PBX3: variants seen among roughly 807,000 people sequenced by gnomAD.
PBX3 encodes PBX homeobox 3, also known as pre-B-cell leukemia transcription factor 3.
Under a neutral mutation model 48.5 loss-of-function variants are expected in PBX3, and 14 were observed. That is an observed-to-expected ratio of 0.29 (90% CI 0.19 to 0.45). The LOEUF (loss-of-function observed/expected upper bound fraction) is 0.45. Ranked by LOEUF, PBX3 falls within the 20% of genes least tolerant of loss-of-function variation. The pLI is 1.00. For missense variants in PBX3, 386 were observed against 546.7 expected (o/e 0.71, Z 2.93); for synonymous variants, 210 against 200.3 (o/e 1.05, Z -0.41).
intron 2 of PBX3, among the ~76,000 whole-genome samples, chr9:125,847,190 T>A (rs546501220): frequency 6.6e-6 from 1 of 152,154 alleles, no homozygotes; most frequent in African/African-American, 2.4e-5. Flanking sequence ...CTATTGGTGA[T>A]CAATGCTTAC....
intron 5 of PBX3, among the ~76,000 whole-genome samples, chr9:125,950,764 G>A (rs1842179107): frequency 6.6e-6 from 1 of 152,132 alleles, no homozygotes; most frequent in African/African-American, 2.4e-5. Flanking sequence ...TTACAGGTGT[G>A]AGCCACTGCG....
intron 2 of PBX3, among the ~76,000 whole-genome samples, chr9:125,808,141 C>T (rs1224217013): frequency 2.6e-5 from 4 of 152,090 alleles, no homozygotes; most frequent in Admixed American, 2.6e-4. Context: ...TACATACATA[C>T]AATTGTTAAA....
chr9:125,942,514 G>A (rs973879788), intron 5 of PBX3, among the ~76,000 whole-genome samples: 6 of 152,060 alleles, frequency 3.9e-5, no homozygotes, highest in Admixed American at 6.6e-5. Flanking sequence ...ATAAGAAGAA[G>A]CCCGTTAAAA....
At chr9:125,951,448 G>C (rs1397206880) in intron 5 of PBX3, among the ~76,000 whole-genome samples, 1 of 152,112 alleles carries the variant, frequency 6.6e-6, no homozygotes, top group Non-Finnish European at 1.5e-5. Flanking sequence ...CTGGGAGCAG[G>C]GATCAGCTTG....
At chr9:125,819,426 T>G (rs1380265295) in intron 2 of PBX3, among the ~76,000 whole-genome samples, 3 of 151,750 alleles carry the variant, frequency 2.0e-5, no homozygotes, top group African/African-American at 4.8e-5. Context: ...CTCGGAAGGT[T>G]GAGGCAGGAG....
chr9:125,918,459 G>GT (rs1435563709), intron 3 of PBX3, among the ~76,000 whole-genome samples: 2 of 151,600 alleles, frequency 1.3e-5, no homozygotes, highest in Non-Finnish European at 1.5e-5. Context: ...TTGTTTGTTT[G>GT]TTTTTTTAAA....
intron 2 of PBX3, among the ~76,000 whole-genome samples, chr9:125,775,412 AT>A (rs1406032025): frequency 1.3e-5 from 2 of 152,178 alleles, no homozygotes; most frequent in African/African-American, 2.4e-5. Flanking sequence ...ATTTGAGTTA[AT>A]TTTTGAATAT....
chr9:125,747,706 C>A (rs1005049500), intron 1 of PBX3, 53 bp downstream of exon 1: 7 of 1,397,682 alleles, frequency 5.0e-6, no homozygotes, highest in Non-Finnish European at 6.7e-6. Flanking sequence ...GCCGGGCCCG[C>A]GGCCGAGTCG....
At position 125,952,986 on chromosome 9, in the gene PBX3, C is replaced by CA. The variant is rs1477096917; in HGVS notation, c.844-7694dup. Reference sequence around the variant, plus strand: ...TATGTCAGTGTTTGAGTATTTTTACCAAAATAAAAAAAAAAAGACTCATGG... The same window carrying CA: ...TATGTCAGTGTTTGAGTATTTTTACCAAAAATAAAAAAAAAAAGACTCATGG... On this transcript the variant is annotated intron_variant, in intron 5 of 8. Transcript: ENST00000373489. 1.1e-3 allele frequency among the ~76,000 whole-genome samples: 164 copies of CA among 144,194 alleles called. 1 individual carries two copies. The highest frequency in any genetic ancestry group is 4.3e-3 in the African/African-American group (159 of 37,134). 94.6% of individuals were successfully genotyped at this position (144,194 alleles called of 152,430 possible). A position where few individuals can be genotyped will look rare whatever the true frequency, so the allele number is the denominator to read the frequency against.
intron 2 of PBX3, among the ~76,000 whole-genome samples, chr9:125,888,054 A>C (rs866301608): frequency 2.6e-5 from 4 of 152,214 alleles, no homozygotes; most frequent in Non-Finnish European, 5.9e-5. Context: ...TGTAATAGAT[A>C]GACTTCTACT....
At chr9:125,930,618 A>G (rs905424926) in intron 4 of PBX3, among the ~76,000 whole-genome samples, 4 of 152,204 alleles carry the variant, frequency 2.6e-5, no homozygotes, top group African/African-American at 4.8e-5. Flanking sequence ...TCCAAATCTC[A>G]CAGTATTAAA....
chr9:125,798,208 C>T (rs1339169515), intron 2 of PBX3, among the ~76,000 whole-genome samples: 2 of 152,086 alleles, frequency 1.3e-5, no homozygotes, highest in Admixed American at 1.3e-4. Context: ...TTAGTAATTA[C>T]CCAGACAGCT....
At position 125,859,661 on chromosome 9, in the gene PBX3, T is replaced by C. The variant is rs571420946; in HGVS notation, c.275-56025T>C. Among the ~76,000 whole-genome samples, 335 of 152,326 alleles carry C rather than the reference T, an allele frequency of 2.2e-3. 2 individuals carry two copies. The highest frequency in any genetic ancestry group is 7.6e-3 in the African/African-American group (317 of 41,564). On this transcript the variant is annotated intron_variant, in intron 2 of 8. Coordinates refer to ENST00000373489, the MANE Select transcript of PBX3 (RefSeq NM_006195.6). ...AACCCACAGGATACCACATGATCCA[T>C]GCTCTGTGGAATTTGTTGGTGTGGT...
chr9:125,833,558 A>G (rs1839028470), intron 2 of PBX3, among the ~76,000 whole-genome samples: 1 of 152,196 alleles, frequency 6.6e-6, no homozygotes, highest in Non-Finnish European at 1.5e-5. Flanking sequence ...CTAATTTTAT[A>G]GATTAGAAAA....
intron 2 of PBX3, among the ~76,000 whole-genome samples, chr9:125,898,565 T>C (rs1840830773): frequency 6.6e-6 from 1 of 151,770 alleles, no homozygotes; most frequent in Admixed American, 6.6e-5. Flanking sequence ...AATTCTGAAC[T>C]GGTTCAGGAA....
chr9:125,786,392 A>T lies in PBX3; in HGVS notation c.274+37769A>T, dbSNP rs141132650. Among the ~76,000 whole-genome samples, 120 of 152,354 alleles carry T rather than the reference A, an allele frequency of 7.9e-4. 1 individual carries two copies. The highest frequency in any genetic ancestry group is 2.7e-3 in the African/African-American group (111 of 41,580). On this transcript the variant is annotated intron_variant, in intron 2 of 8. Transcript: ENST00000373489. The stretch of plus-strand genomic sequence containing the variant: ...ACAAGGAAAACCAGGAGCCTGTGGT[A>T]CAGTGAAAGGTGTTCTTATCATAAG...
At chr9:125,883,174 A>G (rs1387217778) in intron 2 of PBX3, among the ~76,000 whole-genome samples, 2 of 152,226 alleles carry the variant, frequency 1.3e-5, no homozygotes, top group Non-Finnish European at 2.9e-5. Context: ...AATGAATTCT[A>G]GTGTTTTAAA....
intron 3 of PBX3, among the ~76,000 whole-genome samples, chr9:125,928,880 A>G (rs1336855565): frequency 1.3e-5 from 2 of 152,140 alleles, no homozygotes; most frequent in Non-Finnish European, 2.9e-5. Flanking sequence ...AAAGGCCTGC[A>G]CTACAGCTAA....
At chr9:125,750,436 T>C (rs1331334421) in intron 2 of PBX3, among the ~76,000 whole-genome samples, 1 of 152,204 alleles carries the variant, frequency 6.6e-6, no homozygotes, top group Non-Finnish European at 1.5e-5. Context: ...GAAGCATAAG[T>C]CCTTTAGTTG....
Sources: gnomAD v4.1 joint callset for allele counts (sites outside exome capture counted in the v4.1 genomes callset) on GRCh38, gnomAD v4.1.1 for gene constraint, MANE v1.5 for transcripts, NCBI Gene and HGNC (gene_info 2026-07-23, HGNC 2026-07-21) for gene names.